Variants in SLCO3A1 observed in about 807,000 individuals in gnomAD.
The protein encoded by SLCO3A1 is PGE1 transporter.
Under a neutral mutation model 63.1 loss-of-function variants are expected in SLCO3A1, and 27 were observed. The observed-to-expected ratio is 0.43, with a 90% CI of 0.32 to 0.59. The LOEUF (loss-of-function observed/expected upper bound fraction) is 0.59. SLCO3A1 is among the 20% of genes least tolerant of loss of function. SLCO3A1 has a pLI of 0.09. For missense variants in SLCO3A1, 773 were observed against 945.8 expected (o/e 0.82, Z 2.40); for synonymous variants, 473 against 409.9 (o/e 1.15, Z -1.86).
At chr15:91,901,678 G>C (rs1401867018) in intron 1 of SLCO3A1, among the ~76,000 whole-genome samples, 1 of 152,146 alleles carries the variant, frequency 6.6e-6, no homozygotes, top group Admixed American at 6.5e-5. Flanking sequence ...TGTTTCTAAT[G>C]AAAAGTCAGC....
rs7496773 is a variant in SLCO3A1, at chr15:91,871,763, T to G, written c.180+17675T>G. Among the ~76,000 whole-genome samples, 64 of 105,354 alleles carry G rather than the reference T, an allele frequency of 6.1e-4. 1 individual carries two copies. The highest frequency in any genetic ancestry group is 1.9e-3 in the African/African-American group (48 of 24,802). 69.1% of individuals were successfully genotyped at this position (105,354 alleles called of 152,430 possible). A position where few individuals can be genotyped will look rare whatever the true frequency, so the allele number is the denominator to read the frequency against. ...GGGGTGTGCTCATTTTGTTTTTTTT[T>G]GGTTTTTTTTTTTTTTTTTTTTGGC... On this transcript the variant is annotated intron_variant, in intron 1 of 9. Coordinates refer to ENST00000318445, the MANE Select transcript of SLCO3A1 (RefSeq NM_013272.4).
chr15:91,889,187 G>A (rs1486240294), intron 1 of SLCO3A1: 5 of 1,285,108 alleles, frequency 3.9e-6, no homozygotes, highest in East Asian at 5.6e-5. Flanking sequence ...CACTGGAGAT[G>A]CATGCTCCTT....
intron 1 of SLCO3A1, among the ~76,000 whole-genome samples, chr15:91,890,845 T>C (rs1330199338): frequency 1.3e-5 from 2 of 152,220 alleles, no homozygotes; most frequent in Non-Finnish European, 2.9e-5. Flanking sequence ...GCCTCACTAC[T>C]GCCCTGGCCA....
At chr15:91,926,442 A>G (rs916948925) in intron 2 of SLCO3A1, among the ~76,000 whole-genome samples, 3 of 152,044 alleles carry the variant, frequency 2.0e-5, no homozygotes, top group African/African-American at 7.2e-5. Context: ...CTTGACTGCA[A>G]TTGCCAAAGG....
At chr15:91,866,590 A>T (rs1427225762) in intron 1 of SLCO3A1, among the ~76,000 whole-genome samples, 2 of 150,794 alleles carry the variant, frequency 1.3e-5, no homozygotes, top group Non-Finnish European at 2.9e-5. Context: ...AAAAAAAAAA[A>T]AGAAAAAAAA....
chr15:91,896,882 C>T (rs370851182), intron 1 of SLCO3A1, among the ~76,000 whole-genome samples: 10 of 152,100 alleles, frequency 6.6e-5, no homozygotes, highest in Non-Finnish European at 1.0e-4. Flanking sequence ...GAAAATAATC[C>T]AAATGGTACT....
rs986891877 is a variant in SLCO3A1, at chr15:91,862,885, CA to C, written c.180+8798del. On this transcript the variant is annotated intron_variant, in intron 1 of 9. Transcript: ENST00000318445. This position sits in a 1 kb window ranked among gnomAD's most constrained non-coding sequence, Gnocchi z 4.0. ...ATTAATGGGAATGGCTATTGTCTTT[CA>C]CCCCCTTTGCAAGAGGCTTATGTAA... Among the ~76,000 whole-genome samples the C allele has an allele frequency of 6.6e-6, 1 of 152,202 alleles. No homozygotes were observed. Among genetic ancestry groups the C allele is most frequent in the African/African-American group, 2.4e-5 (1 of 41,460 alleles).
At chr15:91,892,237 T>G (rs1897889058) in intron 1 of SLCO3A1, among the ~76,000 whole-genome samples, 1 of 152,246 alleles carries the variant, frequency 6.6e-6, no homozygotes, top group Non-Finnish European at 1.5e-5. Flanking sequence ...TTGAACCTGG[T>G]AGATCTAACC....
chr15:91,866,937 T>C (rs982495227), intron 1 of SLCO3A1, among the ~76,000 whole-genome samples: 4 of 152,052 alleles, frequency 2.6e-5, no homozygotes, highest in Admixed American at 2.6e-4. Flanking sequence ...TCAACCTTGG[T>C]TGGGGATAGA....
intron 1 of SLCO3A1, among the ~76,000 whole-genome samples, chr15:91,881,325 T>G (rs922843555): frequency 6.6e-6 from 1 of 151,894 alleles, no homozygotes; most frequent in African/African-American, 2.4e-5. Flanking sequence ...ATTTTCTAAC[T>G]GGTCATGTGA....
chr15:92,042,019 G>C (rs2046805430), intron 2 of SLCO3A1, among the ~76,000 whole-genome samples: 2 of 152,104 alleles, frequency 1.3e-5, no homozygotes, highest in South Asian at 4.1e-4. Context: ...ACCTTCCAAA[G>C]AGTGGGTGGA....
chr15:92,090,517 G>A (rs1228817353), intron 2 of SLCO3A1, among the ~76,000 whole-genome samples: 1 of 152,182 alleles, frequency 6.6e-6, no homozygotes, highest in African/African-American at 2.4e-5. Flanking sequence ...AGGTCGGGCT[G>A]GCAACCCAGT....
At chr15:91,928,637 G>C (rs73530637) in intron 2 of SLCO3A1, among the ~76,000 whole-genome samples, 6 of 152,176 alleles carry the variant, frequency 3.9e-5, no homozygotes, top group Non-Finnish European at 8.8e-5. Flanking sequence ...ACCCACCTGC[G>C]GTGCTTTGTC....
chr15:91,929,318 G>A (rs1163945483), intron 2 of SLCO3A1, among the ~76,000 whole-genome samples: 1 of 152,198 alleles, frequency 6.6e-6, no homozygotes, highest in Non-Finnish European at 1.5e-5. Flanking sequence ...ATGTCCTGAA[G>A]CCACATTTTC....
chr15:91,866,532 A>G (rs1185485706), intron 1 of SLCO3A1, among the ~76,000 whole-genome samples: 1 of 150,452 alleles, frequency 6.6e-6, no homozygotes, highest in Non-Finnish European at 1.5e-5. Context: ...TGGGGGTAGG[A>G]GTGATATGGT....
chr15:92,169,386 T>C (rs147804289), downstream of SLCO3A1, among the ~76,000 whole-genome samples: 665 of 152,290 alleles, frequency 4.4e-3, 4 homozygotes, highest in African/African-American at 0.015. Flanking sequence ...TCCCCACCTT[T>C]AGACACTGAT....
rs143135042 is a variant in SLCO3A1 at position 91,907,707 on chromosome 15, G to A, written c.181-8286G>A. ...GCTAATTTTGTTTTTTACACTTTTA[G>A]TAGAGACGGGGTTTCACCATATTGG... is the stretch of plus-strand genomic sequence containing the variant. On this transcript the variant is annotated intron_variant, in intron 1 of 9. Transcript: ENST00000318445. Among the ~76,000 whole-genome samples, 414 of 151,864 alleles carry A rather than the reference G, an allele frequency of 2.7e-3. 6 individuals carry two copies. The highest frequency in any genetic ancestry group is 7.7e-3 in the African/African-American group (318 of 41,382).
chr15:92,164,575 A>G lies in SLCO3A1; in HGVS notation c.*1440A>G, dbSNP rs2048477181. The G allele has an allele frequency of 1.0e-6, 1 of 982,824 alleles. No individual in the cohort carries two copies. The highest frequency in any genetic ancestry group is 1.2e-6 in the Non-Finnish European group (1 of 829,490). The allele number at this position is 982,824 out of a possible 1,614,324, so 60.9% of individuals were successfully genotyped here. On this transcript the variant is annotated 3_prime_UTR_variant, in exon 10 of 10. Coordinates refer to ENST00000318445, the MANE Select transcript of SLCO3A1 (RefSeq NM_013272.4). ...AACACTTCCGGGGATAGGAAAGAAG[A>G]ACAGTTCCCTAACACAAGCTGTTAA...
chr15:92,163,632 C>A lies in SLCO3A1; in HGVS notation c.*497C>A. On this transcript the variant is annotated 3_prime_UTR_variant, in exon 10 of 10. Coordinates refer to ENST00000318445, the MANE Select transcript of SLCO3A1 (RefSeq NM_013272.4). ...ACACACCCCGTGCCACCCTCTTCCTCCAGGTGGGGGTGGGGGCGGGCGCAC... is the reference window on the plus strand; with the variant it reads ...ACACACCCCGTGCCACCCTCTTCCTACAGGTGGGGGTGGGGGCGGGCGCAC... 4 of 985,176 alleles carry A rather than the reference C, an allele frequency of 4.1e-6. No individual in the cohort carries two copies. The South Asian group carries it at 1.9e-4, about 46-fold the overall frequency. 61.0% of individuals were successfully genotyped at this position (985,176 alleles called of 1,614,324 possible).
Sources: allele counts gnomAD v4.1 joint callset (sites outside exome capture counted in the v4.1 genomes callset), GRCh38; gene constraint gnomAD v4.1.1; non-coding constraint Gnocchi (gnomAD v3.1); transcripts MANE v1.5; gene names NCBI Gene and HGNC (gene_info 2026-07-23, HGNC 2026-07-21).